Variants in RASGRP1 observed in about 807,000 individuals in gnomAD.
The protein encoded by RASGRP1 is RAS guanyl releasing protein 1.
Under a neutral mutation model 95.1 loss-of-function variants are expected in RASGRP1, and 37 were observed. The ratio of observed to expected loss-of-function variants is 0.39; its 90% CI spans 0.30 to 0.51. RASGRP1 has a LOEUF of 0.51. Among genes scored for constraint, RASGRP1 ranks in the 20% least tolerant of loss-of-function variants. The probability of loss-of-function intolerance (pLI) is 0.80; values close to 1 mark genes in which losing one functional copy is unlikely to be tolerated. For synonymous variants in RASGRP1, 325 were observed against 353.4 expected (o/e 0.92, Z 0.90); for missense variants, 711 against 965.4 (o/e 0.74, Z 3.49).
Position 38,508,004 on chromosome 15 carries a change from A to G in RASGRP1, c.967-3T>C. 6.3e-7 allele frequency: 1 copy of G among 1,597,470 alleles called. No homozygotes were observed. Among genetic ancestry groups the G allele is most frequent in the Non-Finnish European group, 8.5e-7 (1 of 1,172,294 alleles). ...AGCTCAGTCATCTCACCGAGAACCT[A>G]CAAAGCAGAACAGACCAATCACAGG... On this transcript the variant is annotated splice_polypyrimidine_tract_variant and splice_region_variant and intron_variant, in intron 8 of 16. Transcript: ENST00000310803.
At chr15:38,541,685 G>A (rs1367280423) in intron 2 of RASGRP1, among the ~76,000 whole-genome samples, 1 of 152,132 alleles carries the variant, frequency 6.6e-6, no homozygotes, top group Non-Finnish European at 1.5e-5. Flanking sequence ...CCATCAAGTG[G>A]CAGAGCTGGC....
intron 2 of RASGRP1, among the ~76,000 whole-genome samples, chr15:38,545,847 T>C (rs1376178124): frequency 6.6e-6 from 1 of 152,260 alleles, no homozygotes; most frequent in African/African-American, 2.4e-5. Context: ...TTCCCAAAGA[T>C]AGTTCTGGTT....
intron 2 of RASGRP1, among the ~76,000 whole-genome samples, chr15:38,538,842 G>C (rs1892758058): frequency 6.6e-6 from 1 of 152,194 alleles, no homozygotes; most frequent in Non-Finnish European, 1.5e-5. Context: ...GGAGAACAAG[G>C]TTCTGAACTG....
Position 38,518,258 on chromosome 15 carries a change from G to T in RASGRP1, c.521+34C>A, listed in dbSNP as rs1891862903. On this transcript the variant is annotated intron_variant, in intron 5 of 16. Transcript: ENST00000310803. ...GGGATTATATTACAGGAGGGAGGTG[G>T]TTTCGAAAGATGAGTCAAGACCTTG... 4 of 1,598,742 alleles carry T rather than the reference G, an allele frequency of 2.5e-6. No homozygotes were observed. The African/African-American group carries it at 4.0e-5, about 16-fold the overall frequency.
At chr15:38,502,126 A>G (rs978956613) in intron 12 of RASGRP1, among the ~76,000 whole-genome samples, 186 bp downstream of exon 12, 3 of 152,206 alleles carry the variant, frequency 2.0e-5, no homozygotes, top group Non-Finnish European at 4.4e-5. Context: ...AAGTGTTGGG[A>G]TTACAGGCGT....
intron 2 of RASGRP1, among the ~76,000 whole-genome samples, chr15:38,532,497 A>AT (rs1168252843): frequency 1.3e-5 from 2 of 152,122 alleles, no homozygotes; most frequent in Non-Finnish European, 2.9e-5. Flanking sequence ...CCAACAGCCT[A>AT]TTTTCCACCG....
intron 16 of RASGRP1, among the ~76,000 whole-genome samples, chr15:38,491,392 G>A (rs957506527): frequency 1.3e-5 from 2 of 152,120 alleles, no homozygotes; most frequent in Non-Finnish European, 2.9e-5. Context: ...CTATGTGCCT[G>A]CGCTGTGTGA....
At chr15:38,551,044 T>C (rs1219530865) in intron 2 of RASGRP1, among the ~76,000 whole-genome samples, 3 of 152,222 alleles carry the variant, frequency 2.0e-5, no homozygotes, top group African/African-American at 7.2e-5. Flanking sequence ...TTATTCATAG[T>C]AAATGCTCAA....
chr15:38,560,959 T>G (rs188993300), intron 1 of RASGRP1, among the ~76,000 whole-genome samples: 1 of 152,298 alleles, frequency 6.6e-6, no homozygotes, highest in Admixed American at 6.5e-5. Flanking sequence ...GATTGTCTTC[T>G]CCATTAAAAA....
At chr15:38,534,928 G>T (rs968664178) in intron 2 of RASGRP1, among the ~76,000 whole-genome samples, 1 of 152,184 alleles carries the variant, frequency 6.6e-6, no homozygotes, top group African/African-American at 2.4e-5. Context: ...AGGTACACAG[G>T]AACAGACCTG....
intron 13 of RASGRP1, 81 bp from the exon 14 acceptor site, chr15:38,500,220 C>T: frequency 7.1e-7 from 1 of 1,416,834 alleles, no homozygotes; most frequent in Non-Finnish European, 9.9e-7. Flanking sequence ...CTTTATTTTC[C>T]TTCATTTTAC....
chr15:38,500,202 T>A, intron 13 of RASGRP1, 63 bp from the exon 14 acceptor site: 1 of 1,545,052 alleles, frequency 6.5e-7, no homozygotes, highest in South Asian at 1.1e-5. Flanking sequence ...GGCTACAAGG[T>A]GACATTCCTT....
chr15:38,527,834 T>G (rs551586382), intron 2 of RASGRP1, among the ~76,000 whole-genome samples: 1 of 152,164 alleles, frequency 6.6e-6, no homozygotes, highest in Non-Finnish European at 1.5e-5. Flanking sequence ...TGGCTCATGC[T>G]TGTAATCCCA....
rs1893734471 is a variant in RASGRP1 at position 38,559,884 on chromosome 15, G to C, written c.157C>G (p.Leu53Val). The change falls in exon 2 of 17, where the codon CTG becomes GTG. Residue 53 changes from leucine to valine, a missense_variant. Physicochemically the swap from Leu to Val is conservative, Grantham distance 32. Around this residue, in one of 3 missense-constraint regions of RASGRP1, gnomAD observed 491 missense variants for 676.6 expected, o/e 0.73. Coordinates refer to ENST00000310803, the MANE Select transcript of RASGRP1 (RefSeq NM_005739.4). ...HITQFRMMVS[L>V]GHLAKGASLD... ...CTGGCTCCTTTGGCTAAATGTCCCAGAGACACCATCATTCGGAACTGGGTG... is the reference window on the plus strand; with the variant it reads ...CTGGCTCCTTTGGCTAAATGTCCCACAGACACCATCATTCGGAACTGGGTG... The C allele has an allele frequency of 6.2e-7, 1 of 1,613,974 alleles. No individual in the cohort carries two copies. The highest frequency in any genetic ancestry group is 8.5e-7 in the Non-Finnish European group (1 of 1,179,874).
intron 2 of RASGRP1, among the ~76,000 whole-genome samples, chr15:38,553,618 C>G (rs1893423826): frequency 6.6e-6 from 1 of 152,178 alleles, no homozygotes. Context: ...GAAATGTACA[C>G]TAGGAATATG....
chr15:38,489,238 ATG>A lies in RASGRP1; in HGVS notation c.*1314_*1315del. The A allele has an allele frequency of 6.6e-6, 1 of 151,610 alleles. No homozygotes were observed. The highest frequency in any genetic ancestry group is 1.5e-5 in the Non-Finnish European group (1 of 67,862). 9.4% of individuals were successfully genotyped at this position (151,610 alleles called of 1,614,324 possible). Reference sequence around the variant, plus strand: ...AAGCTAAGTACCCCCAAAAAGGAAAATGATCATATGATTTTTTTTTTTTTAAG... The same window carrying A: ...AAGCTAAGTACCCCCAAAAAGGAAAAATCATATGATTTTTTTTTTTTTAAG... On this transcript the variant is annotated 3_prime_UTR_variant, in exon 17 of 17. Transcript: ENST00000310803.
intron 10 of RASGRP1, among the ~76,000 whole-genome samples, chr15:38,505,500 C>T (rs1891217224): frequency 6.6e-6 from 1 of 152,126 alleles, no homozygotes; most frequent in Admixed American, 6.5e-5. Flanking sequence ...GGGGATGTCA[C>T]TCTGGTGCAC....
chr15:38,561,868 T>C (rs1205743285), intron 1 of RASGRP1, among the ~76,000 whole-genome samples: 1 of 152,206 alleles, frequency 6.6e-6, no homozygotes, highest in Non-Finnish European at 1.5e-5. Context: ...AGCCCCAGAA[T>C]TGGATCAGTC....
chr15:38,558,009 G>A (rs943547348), intron 2 of RASGRP1, among the ~76,000 whole-genome samples: 1 of 152,078 alleles, frequency 6.6e-6, no homozygotes, highest in African/African-American at 2.4e-5. Flanking sequence ...TCTTGAACTC[G>A]GCCGGCAGTT....
Sources: allele counts gnomAD v4.1 joint callset (sites outside exome capture counted in the v4.1 genomes callset), GRCh38; gene constraint gnomAD v4.1.1; regional missense constraint gnomAD v4.1.1; transcripts MANE v1.5; gene names NCBI Gene and HGNC (gene_info 2026-07-23, HGNC 2026-07-21).